Variants in FAT3 observed in about 807,000 individuals in gnomAD.
FAT3 encodes the protein FAT atypical cadherin 3, also known as protocadherin Fat 3.
In FAT3, 95 loss-of-function variants were observed where a neutral mutation model predicts 310.2. The observed-to-expected ratio is 0.31, with a 90% CI of 0.26 to 0.36. The LOEUF is 0.36. FAT3 is among the 10% of genes least tolerant of loss of function. The pLI is 1.00. For missense variants in FAT3, 5,408 were observed against 5,715.6 expected, an observed-to-expected ratio of 0.95 and a Z score of 1.74; for synonymous variants, 2,314 against 2,192.9, an observed-to-expected ratio of 1.06 and a Z score of -1.54.
intron 3 of FAT3, among the ~76,000 whole-genome samples, chr11:92,588,956 A>G (rs992734376): frequency 6.6e-6 from 1 of 152,046 alleles, no homozygotes; most frequent in African/African-American, 2.4e-5. Flanking sequence ...CAGCGGCATA[A>G]TGAAGACAGA....
intron 3 of FAT3, among the ~76,000 whole-genome samples, chr11:92,663,908 C>T (rs900635710): frequency 4.6e-5 from 7 of 152,172 alleles, no homozygotes; most frequent in African/African-American, 1.7e-4. Context: ...AAAATCACCA[C>T]TGGTTCTCTT....
At chr11:92,467,545 C>T (rs1417419481) in intron 2 of FAT3, among the ~76,000 whole-genome samples, 1 of 152,082 alleles carries the variant, frequency 6.6e-6, no homozygotes, top group Non-Finnish European at 1.5e-5. Flanking sequence ...ATCCTTGGGC[C>T]TATACATAAT....
chr11:92,617,116 G>A (rs480775), intron 3 of FAT3, among the ~76,000 whole-genome samples: 85,323 of 152,030 alleles, frequency 0.56, 25,356 homozygotes, highest in African/African-American at 0.76. Context: ...AGGTACACCA[G>A]TCAGACGTAT....
intron 2 of FAT3, among the ~76,000 whole-genome samples, chr11:92,409,702 G>T (rs2134910458): frequency 6.6e-6 from 1 of 152,260 alleles, no homozygotes; most frequent in African/African-American, 2.4e-5. Flanking sequence ...CACAAAATTA[G>T]ATCAGTTCCA....
At chr11:92,851,363 A>T (rs150154095) in intron 19 of FAT3, among the ~76,000 whole-genome samples, 1 of 152,292 alleles carries the variant, frequency 6.6e-6, no homozygotes, top group Admixed American at 6.5e-5. Flanking sequence ...ACACTAGCCC[A>T]TTTCATTCTC....
At chr11:92,280,513 T>C (rs1946392915) in intron 1 of FAT3, among the ~76,000 whole-genome samples, 1 of 152,222 alleles carries the variant, frequency 6.6e-6, no homozygotes, top group Admixed American at 6.5e-5. Flanking sequence ...ATTTTTTCTT[T>C]GCTCCTGGAT....
chr11:92,717,090 G>T (rs890099416), intron 4 of FAT3, among the ~76,000 whole-genome samples: 11 of 152,136 alleles, frequency 7.2e-5, no homozygotes, highest in Admixed American at 2.0e-4. Context: ...TATGTGTTGT[G>T]TAGAAAGCAT....
intron 1 of FAT3, among the ~76,000 whole-genome samples, chr11:92,230,216 A>G (rs1468435595): frequency 1.4e-5 from 2 of 138,136 alleles, no homozygotes; most frequent in Non-Finnish European, 3.1e-5. Flanking sequence ...AAAATTCTGT[A>G]AAGTCACATG....
At chr11:92,324,633 T>C (rs1232182735) in intron 1 of FAT3, among the ~76,000 whole-genome samples, 3 of 152,194 alleles carry the variant, frequency 2.0e-5, no homozygotes, top group Non-Finnish European at 4.4e-5. Context: ...TGAAAAAGTT[T>C]GAAATATCAT....
intron 13 of FAT3, among the ~76,000 whole-genome samples, chr11:92,819,553 C>A (rs994535603): frequency 6.6e-6 from 1 of 152,210 alleles, no homozygotes; most frequent in Non-Finnish European, 1.5e-5. Context: ...AACGCCTTAA[C>A]AGTTTGGTAA....
chr11:92,476,908 T>C (rs1255799039), intron 2 of FAT3, among the ~76,000 whole-genome samples: 2 of 152,236 alleles, frequency 1.3e-5, no homozygotes, highest in Non-Finnish European at 2.9e-5. Flanking sequence ...ACTTGCATAT[T>C]TGTTCTTCCA....
chr11:92,647,389 G>A (rs1027688560), intron 3 of FAT3, among the ~76,000 whole-genome samples: 2 of 152,272 alleles, frequency 1.3e-5, no homozygotes, highest in Admixed American at 1.3e-4. Flanking sequence ...CTCAAAATAA[G>A]ATGAACAAGG....
chr11:92,454,929 G>T (rs1951458804), intron 2 of FAT3, among the ~76,000 whole-genome samples: 1 of 151,998 alleles, frequency 6.6e-6, no homozygotes, highest in Non-Finnish European at 1.5e-5. Context: ...TACAGATAAA[G>T]AAAATAAGGC....
rs375057190 is a variant in FAT3, at chr11:92,298,865, CT to C, written c.-17-53230del. Among the ~76,000 whole-genome samples the C allele has an allele frequency of 1.6e-3, 242 of 152,248 alleles. 2 individuals are homozygous for C. Among genetic ancestry groups the C allele is most frequent in the Middle Eastern group, 0.01 (3 of 294 alleles). On this transcript the variant is annotated intron_variant, in intron 1 of 27. Coordinates refer to ENST00000525166, the MANE Select transcript of FAT3 (RefSeq NM_001367949.2). ...GCTCCTTTCTGTAAGTTGGATGGAT[CT>C]GCTGAAGGAATGGTTCTTTTTTTTC...
At chr11:92,429,547 C>T (rs929597245) in intron 2 of FAT3, among the ~76,000 whole-genome samples, 6 of 152,128 alleles carry the variant, frequency 3.9e-5, no homozygotes, top group Non-Finnish European at 8.8e-5. Flanking sequence ...TTAGTGCTGC[C>T]TTCAGGAGCT....
At chr11:92,259,544 AAAAT>A (rs1216359105) in intron 1 of FAT3, among the ~76,000 whole-genome samples, 1 of 148,556 alleles carries the variant, frequency 6.7e-6, no homozygotes, top group East Asian at 2.0e-4. Flanking sequence ...AAGCTAACAA[AAAAT>A]AAATAAATAA....
At chr11:92,285,187 TAGGG>T (rs781557432) in intron 1 of FAT3, among the ~76,000 whole-genome samples, 3 of 152,054 alleles carry the variant, frequency 2.0e-5, no homozygotes, top group Non-Finnish European at 4.4e-5. Flanking sequence ...CCATTTTTAA[TAGGG>T]AGGAATGAGA....
intron 3 of FAT3, among the ~76,000 whole-genome samples, chr11:92,641,459 A>G (rs564123213): frequency 3.9e-5 from 6 of 152,310 alleles, no homozygotes; most frequent in African/African-American, 7.2e-5. Flanking sequence ...CCGCAAGGCC[A>G]TGCCCTCTCT....
intron 2 of FAT3, among the ~76,000 whole-genome samples, chr11:92,377,301 T>A (rs1462347002): frequency 6.6e-6 from 1 of 152,206 alleles, no homozygotes; most frequent in Non-Finnish European, 1.5e-5. Context: ...AGCCCTATCA[T>A]CATTTTTCAA....
Sources: allele counts gnomAD v4.1 joint callset (sites outside exome capture counted in the v4.1 genomes callset), GRCh38; gene constraint gnomAD v4.1.1; transcripts MANE v1.5; gene names NCBI Gene and HGNC (gene_info 2026-07-23, HGNC 2026-07-21).